The following EPCIP variants were observed in gnomAD, a reference collection of about 807,000 sequenced individuals.
The protein encoded by EPCIP is exosomal polycystin-1-interacting protein.
the EPCIP span, among the ~76,000 whole-genome samples, chr21:32,806,673 C>T: frequency 6.6e-6 from 1 of 152,162 alleles, no homozygotes; most frequent in Non-Finnish European, 1.5e-5. Context: ...GACTAAAGTG[C>T]TTAGGAGCTT....
chr21:32,811,979 G>T, the EPCIP span, among the ~76,000 whole-genome samples: 1 of 152,144 alleles, frequency 6.6e-6, no homozygotes, highest in African/African-American at 2.4e-5. Flanking sequence ...CCAGATGCAG[G>T]CCCCTTGACC....
At chr21:32,806,615 T>C in the EPCIP span, among the ~76,000 whole-genome samples, 1 of 152,234 alleles carries the variant, frequency 6.6e-6, no homozygotes, top group East Asian at 1.9e-4. Flanking sequence ...TCTTCAGGTA[T>C]CAGCTGGATT....
the EPCIP span, among the ~76,000 whole-genome samples, chr21:32,796,331 C>G: frequency 2.0e-5 from 3 of 152,146 alleles, no homozygotes; most frequent in South Asian, 2.1e-4. Flanking sequence ...GTGTGCCAGG[C>G]CCTGGCTTAG....
chr21:32,810,777 A>G, the EPCIP span: 2 of 413,112 alleles, frequency 4.8e-6, no homozygotes, highest in East Asian at 1.5e-4. Flanking sequence ...TCTAGTAGAC[A>G]TCTCCAACTT....
the EPCIP span, among the ~76,000 whole-genome samples, chr21:32,805,016 G>C: frequency 3.3e-5 from 5 of 152,288 alleles, no homozygotes; most frequent in South Asian, 6.2e-4. Context: ...ACCTTACATG[G>C]CCATAAGGCC....
chr21:32,792,737 T>C, the EPCIP span, among the ~76,000 whole-genome samples: 1 of 152,146 alleles, frequency 6.6e-6, no homozygotes, highest in Non-Finnish European at 1.5e-5. Flanking sequence ...CACTGCTGCA[T>C]CCCTCTCTCT....
the EPCIP span, among the ~76,000 whole-genome samples, chr21:32,808,832 T>C: frequency 3.3e-5 from 5 of 152,240 alleles, no homozygotes. Flanking sequence ...GATTTTTCTG[T>C]AAACCTGAAA....
chr21:32,799,877 G>A, the EPCIP span, among the ~76,000 whole-genome samples: 2 of 152,222 alleles, frequency 1.3e-5, no homozygotes, highest in East Asian at 3.8e-4. Context: ...GGGAGGCAGA[G>A]GTTGCCGTGA....
At chr21:32,792,205 G>A in the EPCIP span, among the ~76,000 whole-genome samples, 8 of 152,072 alleles carry the variant, frequency 5.3e-5, no homozygotes, top group Admixed American at 1.3e-4. Flanking sequence ...GGCAAGTTGC[G>A]TCTCTATGAG....
the EPCIP span, among the ~76,000 whole-genome samples, chr21:32,794,670 A>G: frequency 1.3e-5 from 2 of 152,260 alleles, no homozygotes; most frequent in Admixed American, 6.5e-5. Flanking sequence ...CACCTCATCC[A>G]GAGACAGCAG....
the EPCIP span, among the ~76,000 whole-genome samples, chr21:32,808,595 CAG>C: frequency 6.6e-6 from 1 of 152,088 alleles, no homozygotes; most frequent in African/African-American, 2.4e-5. Context: ...AAAGATTTTT[CAG>C]AGTTTTAAAA....
chr21:32,797,706 A>T, the EPCIP span: 3 of 152,222 alleles, frequency 2.0e-5, no homozygotes, highest in African/African-American at 7.2e-5. Flanking sequence ...TAGTTTACCA[A>T]ATGTCAGTGT....
At chr21:32,804,856 A>G in the EPCIP span, among the ~76,000 whole-genome samples, 46 of 152,328 alleles carry the variant, frequency 3.0e-4, no homozygotes, top group Non-Finnish European at 1.6e-4. Context: ...TTAAATGTGA[A>G]TGAAATGTTT....
chr21:32,810,730 C>T, the EPCIP span: 3 of 467,144 alleles, frequency 6.4e-6, no homozygotes, highest in Non-Finnish European at 1.3e-5. Flanking sequence ...ATCATGCTCA[C>T]ATGTCCCACA....
the EPCIP span, among the ~76,000 whole-genome samples, chr21:32,812,634 G>A: frequency 6.6e-6 from 1 of 151,164 alleles, no homozygotes; most frequent in Non-Finnish European, 1.5e-5. Context: ...CTAAAAAAAA[G>A]CAAAAAACTT....
At chr21:32,809,276 C>CCTCCCTCCT in the EPCIP span, among the ~76,000 whole-genome samples, 16,578 of 94,862 alleles carry the variant, frequency 0.17, 1,901 homozygotes, top group Middle Eastern at 0.21. Flanking sequence ...TCCCTCCCTC[C>CCTCCCTCCT]TTCCTTTCTT....
At chr21:32,808,741 A>G in the EPCIP span, among the ~76,000 whole-genome samples, 2 of 152,236 alleles carry the variant, frequency 1.3e-5, no homozygotes, top group African/African-American at 4.8e-5. Context: ...TAATGTGTCA[A>G]TACTGGTTCA....
At chr21:32,794,081 G>C in the EPCIP span, 2 of 1,614,236 alleles carry the variant, frequency 1.2e-6, no homozygotes, top group Non-Finnish European at 1.7e-6. Flanking sequence ...CAGGTATTCA[G>C]TGGGGAGAGT....
chr21:32,812,844 A>T, the EPCIP span, among the ~76,000 whole-genome samples: 1 of 152,146 alleles, frequency 6.6e-6, no homozygotes, highest in South Asian at 2.1e-4. Context: ...GCAAGACTGT[A>T]TATGTTCTAC....
Sources: allele counts gnomAD v4.1 joint callset (sites outside exome capture counted in the v4.1 genomes callset), GRCh38; gene constraint gnomAD v4.1.1; transcripts MANE v1.5; gene names NCBI Gene and HGNC (gene_info 2026-07-23, HGNC 2026-07-21).